Variants in CIMIP4 observed in about 807,000 individuals in gnomAD.
CIMIP4 encodes protein EAN57.
chr22:37,005,645 G>A, the CIMIP4 span, among the ~76,000 whole-genome samples: 1 of 151,930 alleles, frequency 6.6e-6, no homozygotes, highest in East Asian at 1.9e-4. Context: ...TAGAAATAGT[G>A]GAAGAAAGAC....
the CIMIP4 span, among the ~76,000 whole-genome samples, chr22:37,000,256 A>G: frequency 6.6e-6 from 1 of 151,988 alleles, no homozygotes; most frequent in Non-Finnish European, 1.5e-5. Context: ...TACCTGCAAC[A>G]TTGGGACGGG....
At chr22:36,994,822 G>C in the CIMIP4 span, among the ~76,000 whole-genome samples, 1 of 151,970 alleles carries the variant, frequency 6.6e-6, no homozygotes, top group African/African-American at 2.4e-5. Context: ...AGTAGAGACG[G>C]GGTTTCACCT....
At chr22:36,994,754 C>T in the CIMIP4 span, among the ~76,000 whole-genome samples, 1 of 151,836 alleles carries the variant, frequency 6.6e-6, no homozygotes, top group South Asian at 2.1e-4. Flanking sequence ...CCTCAGCCTC[C>T]CGAGTAGCTG....
chr22:36,995,803 T>C, the CIMIP4 span, among the ~76,000 whole-genome samples: 1 of 152,192 alleles, frequency 6.6e-6, no homozygotes. Context: ...CCCAGCTACA[T>C]GGAACTGTGA....
At chr22:36,999,812 C>T in the CIMIP4 span, 454 of 1,598,220 alleles carry the variant, frequency 2.8e-4, 1 homozygote, top group African/African-American at 5.1e-3. Flanking sequence ...TGGGTGTTCA[C>T]GGCCCCACCC....
the CIMIP4 span, among the ~76,000 whole-genome samples, chr22:36,994,793 G>A: frequency 1.3e-5 from 2 of 152,092 alleles, 1 homozygote; most frequent in South Asian, 4.2e-4. Context: ...ACCGCGCCCG[G>A]CTAATTTTTT....
At chr22:37,000,913 A>C in the CIMIP4 span, among the ~76,000 whole-genome samples, 4 of 152,134 alleles carry the variant, frequency 2.6e-5, no homozygotes, top group African/African-American at 9.7e-5. Flanking sequence ...GACAGAGTGG[A>C]AGGGGAGCCT....
At chr22:37,007,135 C>T in the CIMIP4 span, among the ~76,000 whole-genome samples, 3 of 152,166 alleles carry the variant, frequency 2.0e-5, no homozygotes, top group African/African-American at 4.8e-5. Context: ...ATCACCAACA[C>T]TCCACCGGTA....
the CIMIP4 span, chr22:37,002,154 C>T: frequency 0.21 from 320,958 of 1,521,522 alleles, 38,141 homozygotes; most frequent in East Asian, 0.6. Flanking sequence ...CTGCCTTGAG[C>T]GCTGGCTCCC....
At chr22:36,997,730 T>G in the CIMIP4 span, among the ~76,000 whole-genome samples, 4 of 152,188 alleles carry the variant, frequency 2.6e-5, no homozygotes, top group Non-Finnish European at 5.9e-5. Flanking sequence ...CTGCTTAAAA[T>G]CCCGGCTTGG....
the CIMIP4 span, among the ~76,000 whole-genome samples, chr22:37,005,328 G>A: frequency 6.6e-6 from 1 of 152,154 alleles, no homozygotes; most frequent in Non-Finnish European, 1.5e-5. Flanking sequence ...TATAAGTTCT[G>A]AGATCATAAA....
chr22:37,004,324 C>T, the CIMIP4 span, among the ~76,000 whole-genome samples: 2 of 152,166 alleles, frequency 1.3e-5, no homozygotes, highest in East Asian at 1.9e-4. Context: ...CTCAAGCAGC[C>T]TTGGAACCCT....
At chr22:37,001,693 T>C in the CIMIP4 span, 3 of 824,492 alleles carry the variant, frequency 3.6e-6, no homozygotes, top group South Asian at 2.2e-5. Context: ...GTTTAAACAG[T>C]GCACAGTGTT....
At chr22:36,997,703 C>T in the CIMIP4 span, among the ~76,000 whole-genome samples, 12 of 152,206 alleles carry the variant, frequency 7.9e-5, no homozygotes, top group African/African-American at 2.7e-4. Context: ...TAACCTGAGC[C>T]AAACAGGGCC....
chr22:36,991,388 T>C, the CIMIP4 span: 11 of 1,560,564 alleles, frequency 7.0e-6, no homozygotes, highest in Admixed American at 1.2e-4. Context: ...CGGCTCTGTC[T>C]CCTGCTCTGG....
At chr22:37,005,451 C>G in the CIMIP4 span, among the ~76,000 whole-genome samples, 1 of 151,926 alleles carries the variant, frequency 6.6e-6, no homozygotes, top group African/African-American at 2.4e-5. Context: ...GTTGCTATAA[C>G]AAATACTTAA....
chr22:37,001,724 G>T, the CIMIP4 span: 2 of 1,119,068 alleles, frequency 1.8e-6, no homozygotes, highest in African/African-American at 1.6e-5. Context: ...CAGATGCTCA[G>T]GAGATACTGC....
chr22:37,002,179 T>C, the CIMIP4 span: 1 of 1,495,246 alleles, frequency 6.7e-7, no homozygotes, highest in Non-Finnish European at 8.9e-7. Context: ...GCAGGGGCTG[T>C]GGGGATGACA....
the CIMIP4 span, among the ~76,000 whole-genome samples, chr22:37,003,416 C>T: frequency 5.3e-5 from 8 of 152,224 alleles, no homozygotes; most frequent in Non-Finnish European, 1.0e-4. Flanking sequence ...GGACCATTCT[C>T]AGAGCGGGCC....
Sources: gnomAD v4.1 joint callset for allele counts (sites outside exome capture counted in the v4.1 genomes callset) on GRCh38, gnomAD v4.1.1 for gene constraint, MANE v1.5 for transcripts, NCBI Gene and HGNC (gene_info 2026-07-23, HGNC 2026-07-21) for gene names.